The following KCNT2 variants were observed in gnomAD, a reference collection of about 807,000 sequenced individuals.
The protein encoded by KCNT2 is potassium channel subfamily T member 2.
Under a neutral mutation model 153.8 loss-of-function variants are expected in KCNT2, and 67 were observed. The observed-to-expected ratio is 0.44, with a 90% CI of 0.36 to 0.53. The LOEUF is 0.53. KCNT2 is among the 20% of genes least tolerant of loss of function. The probability of loss-of-function intolerance (pLI) is 0.00; values close to 1 mark genes in which losing one functional copy is unlikely to be tolerated. For synonymous variants in KCNT2, 500 were observed against 458.8 expected (o/e 1.09, Z -1.15); for missense variants, 975 against 1,354.8 (o/e 0.72, Z 4.40).
At chr1:196,474,466 A>G (rs1678362688) in intron 5 of KCNT2, among the ~76,000 whole-genome samples, 1 of 152,194 alleles carries the variant, frequency 6.6e-6, no homozygotes, top group South Asian at 2.1e-4. Flanking sequence ...TACCATTTTC[A>G]GAACAAGATA....
At chr1:196,359,079 T>C (rs1667409591) in intron 14 of KCNT2, among the ~76,000 whole-genome samples, 1 of 151,986 alleles carries the variant, frequency 6.6e-6, no homozygotes, top group Admixed American at 6.6e-5. Context: ...AGTTTTATTT[T>C]TCCCGAATGA....
chr1:196,457,099 A>G (rs1676740163), intron 8 of KCNT2, among the ~76,000 whole-genome samples: 1 of 151,912 alleles, frequency 6.6e-6, no homozygotes, highest in Non-Finnish European at 1.5e-5. Flanking sequence ...TATTCAACAC[A>G]CATTATTATG....
chr1:196,608,263 C>G lies in KCNT2; in HGVS notation c.47G>C (p.Arg16Thr). 6.2e-7 allele frequency: 1 copy of G among 1,614,164 alleles called. No homozygotes were observed. The highest frequency in any genetic ancestry group is 8.5e-7 in the Non-Finnish European group (1 of 1,180,018). Residue 16 changes from arginine (R) to threonine (T), a missense_variant, in exon 1 of 28, where the codon AGG (arginine) becomes ACG (threonine). This residue lies in a region of KCNT2 where 140 missense variants were observed against 216.0 expected (regional missense o/e 0.65). Coordinates refer to ENST00000294725, the MANE Select transcript of KCNT2 (RefSeq NM_198503.5). ...GTCCCCTAGCAGCAAATCTCGAAACCTGTACCTGGGAGGCAGAGGGGGCAC... is the reference window on the plus strand; with the variant it reads ...GTCCCCTAGCAGCAAATCTCGAAACGTGTACCTGGGAGGCAGAGGGGGCAC... ...SEVPPLPPRY[R>T]FRDLLLGDQG...
At chr1:196,599,539 G>C (rs564380824) in intron 1 of KCNT2, among the ~76,000 whole-genome samples, 1 of 152,300 alleles carries the variant, frequency 6.6e-6, no homozygotes, top group African/African-American at 2.4e-5. Flanking sequence ...TGTACACAGA[G>C]GGATATGATT....
intron 14 of KCNT2, among the ~76,000 whole-genome samples, chr1:196,353,622 G>A (rs1021070647): frequency 2.0e-5 from 3 of 151,798 alleles, no homozygotes; most frequent in Admixed American, 1.3e-4. Flanking sequence ...TTTAAAACAC[G>A]AGTTGCATAT....
At chr1:196,470,273 C>T (rs938193977) in intron 5 of KCNT2, among the ~76,000 whole-genome samples, 4 of 152,070 alleles carry the variant, frequency 2.6e-5, no homozygotes, top group Non-Finnish European at 5.9e-5. Context: ...ATGGAGACTG[C>T]ATTTGGCTAC....
intron 1 of KCNT2, among the ~76,000 whole-genome samples, chr1:196,526,250 A>G (rs1654186292): frequency 6.6e-6 from 1 of 151,716 alleles, no homozygotes; most frequent in African/African-American, 2.4e-5. Flanking sequence ...TATATATGCT[A>G]TGATATATAT....
At chr1:196,406,672 A>G (rs758436140) in intron 12 of KCNT2, among the ~76,000 whole-genome samples, 1 of 151,320 alleles carries the variant, frequency 6.6e-6, no homozygotes, top group South Asian at 2.1e-4. Context: ...CTGTAAATAT[A>G]ATTTTGTCCT....
At chr1:196,375,308 A>G (rs1388585389) in intron 13 of KCNT2, among the ~76,000 whole-genome samples, 1 of 151,804 alleles carries the variant, frequency 6.6e-6, no homozygotes, top group Non-Finnish European at 1.5e-5. Context: ...TACAGTGTCT[A>G]TCAGCCCTTT....
intron 1 of KCNT2, among the ~76,000 whole-genome samples, chr1:196,510,443 C>T (rs942438706): frequency 6.6e-6 from 1 of 152,116 alleles, no homozygotes; most frequent in Non-Finnish European, 1.5e-5. Flanking sequence ...TTATATTATA[C>T]ACATCAAATT....
At position 196,541,482 on chromosome 1, in the gene KCNT2, A is replaced by T. The variant is rs188483751; in HGVS notation, c.96-49141T>A. ...GGCATGTTAAAGTTACTTGAAAATC[A>T]AATGTCAGTGTCCATATACAAAGTC... On this transcript the variant is annotated intron_variant, in intron 1 of 27. Coordinates refer to ENST00000294725, the MANE Select transcript of KCNT2 (RefSeq NM_198503.5). Among the ~76,000 whole-genome samples the T allele has an allele frequency of 8.9e-4, 136 of 152,278 alleles. 1 individual carries two copies. The highest frequency in any genetic ancestry group is 3.2e-3 in the African/African-American group (131 of 41,570).
intron 8 of KCNT2, among the ~76,000 whole-genome samples, chr1:196,430,115 C>CT (rs1010881863): frequency 1.0e-4 from 15 of 150,650 alleles, no homozygotes; most frequent in East Asian, 3.9e-4. Context: ...TTTTCTTTTT[C>CT]TTTTTTTTTA....
intron 13 of KCNT2, among the ~76,000 whole-genome samples, chr1:196,392,489 G>A (rs1206560270): frequency 6.6e-6 from 1 of 151,436 alleles, no homozygotes; most frequent in Non-Finnish European, 1.5e-5. Flanking sequence ...TGATGTCTAT[G>A]TGGGTGTTAT....
intron 1 of KCNT2, among the ~76,000 whole-genome samples, chr1:196,567,358 G>A (rs1660237554): frequency 6.6e-6 from 1 of 152,100 alleles, no homozygotes; most frequent in Non-Finnish European, 1.5e-5. Flanking sequence ...AAGATCAAAT[G>A]TCCACTCCTC....
chr1:196,508,494 AT>A (rs1681343148), intron 1 of KCNT2, among the ~76,000 whole-genome samples: 1 of 152,202 alleles, frequency 6.6e-6, no homozygotes, highest in Admixed American at 6.5e-5. Context: ...GGCATTAATT[AT>A]TTGAAGTCTT....
chr1:196,493,035 A>T (rs1679974062), intron 1 of KCNT2, among the ~76,000 whole-genome samples: 1 of 152,194 alleles, frequency 6.6e-6, no homozygotes, highest in African/African-American at 2.4e-5. Context: ...AAATAATAGC[A>T]GTACTTTAAT....
intron 13 of KCNT2, among the ~76,000 whole-genome samples, chr1:196,377,750 T>C (rs1277727953): frequency 3.3e-5 from 5 of 152,084 alleles, no homozygotes; most frequent in Admixed American, 1.3e-4. Context: ...ACTTGCAGAA[T>C]TGAAAAAGTG....
chr1:196,320,816 C>T (rs953322710), intron 19 of KCNT2, among the ~76,000 whole-genome samples: 3 of 151,630 alleles, frequency 2.0e-5, no homozygotes, highest in African/African-American at 7.3e-5. Flanking sequence ...AATAGTATTA[C>T]ATCTTACGAA....
intron 1 of KCNT2, among the ~76,000 whole-genome samples, chr1:196,539,937 A>C (rs1428672683): frequency 1.3e-5 from 2 of 151,954 alleles, no homozygotes; most frequent in Non-Finnish European, 2.9e-5. Context: ...TCTGTTCAAA[A>C]AATTGGATAA....
Sources: allele counts gnomAD v4.1 joint callset (sites outside exome capture counted in the v4.1 genomes callset), GRCh38; gene constraint gnomAD v4.1.1; regional missense constraint gnomAD v4.1.1; transcripts MANE v1.5; gene names NCBI Gene and HGNC (gene_info 2026-07-23, HGNC 2026-07-21).